The following IL1RL1 variants were observed in gnomAD, a reference collection of about 807,000 sequenced individuals.
IL1RL1 encodes interleukin-1 receptor-like 1.
IL1RL1 carries 32 observed loss-of-function variants against 50.9 expected under a neutral mutation model. The observed-to-expected ratio is 0.63, with a 90% CI of 0.47 to 0.84. The LOEUF (loss-of-function observed/expected upper bound fraction) is 0.84, where lower values mean the gene tolerates loss of function less well. Ranked by LOEUF, IL1RL1 falls within the 40% of genes least tolerant of loss-of-function variation. The pLI is 0.00. For synonymous variants in IL1RL1, 275 were observed against 236.0 expected, an observed-to-expected ratio of 1.17 and a Z score of -1.51; for missense variants, 773 against 662.9, an observed-to-expected ratio of 1.17 and a Z score of -1.82.
intron 1 of IL1RL1, among the ~76,000 whole-genome samples, chr2:102,336,095 G>C (rs772108318): frequency 2.6e-5 from 4 of 152,322 alleles, no homozygotes; most frequent in African/African-American, 9.6e-5. Context: ...CCCATGGGGA[G>C]CAAAGACGCT....
intron 1 of IL1RL1, among the ~76,000 whole-genome samples, chr2:102,315,807 T>C (rs1676658057): frequency 6.6e-6 from 1 of 152,158 alleles, no homozygotes; most frequent in Admixed American, 6.5e-5. Flanking sequence ...GTGAATAACC[T>C]TTTCAAAATA....
chr2:102,337,736 C>T (rs989510709), intron 1 of IL1RL1, among the ~76,000 whole-genome samples: 38 of 151,994 alleles, frequency 2.5e-4, no homozygotes, highest in African/African-American at 8.5e-4. Context: ...CTGCTACCAG[C>T]CTGTGTGGAT....
At chr2:102,348,983 C>A in intron 9 of IL1RL1, 96 bp from the exon 10 acceptor site, 1 of 897,508 alleles carries the variant, frequency 1.1e-6, no homozygotes, top group Non-Finnish European at 1.8e-6. Flanking sequence ...ATACATTCAC[C>A]AACAGCCATA....
intron 10 of IL1RL1, among the ~76,000 whole-genome samples, chr2:102,350,779 T>C (rs1006872196): frequency 2.8e-5 from 3 of 107,774 alleles, no homozygotes. Context: ...CTTCTCCTTC[T>C]GGGAGCACCT....
chr2:102,313,370 T>C (rs1676577684), intron 1 of IL1RL1: 1 of 152,164 alleles, frequency 6.6e-6, no homozygotes, highest in Non-Finnish European at 1.5e-5. Context: ...CTGTGACTGC[T>C]GACTTGAATG....
intron 8 of IL1RL1, chr2:102,343,748 C>T (rs1395053037): frequency 1.7e-5 from 21 of 1,219,012 alleles, no homozygotes; most frequent in East Asian, 1.2e-4. Context: ...CACCAACAAC[C>T]GTAAACTGAA....
chr2:102,335,188 TG>T (rs1677282110), intron 1 of IL1RL1, among the ~76,000 whole-genome samples: 1 of 152,252 alleles, frequency 6.6e-6, no homozygotes. Context: ...TTTTGCAGTT[TG>T]TCTTAAGTTG....
chr2:102,341,255 T>C (rs1677551219), intron 5 of IL1RL1: 1 of 1,248,576 alleles, frequency 8.0e-7, no homozygotes, highest in Non-Finnish European at 1.0e-6. Context: ...GGATTCAAAG[T>C]CTAATGAGAG....
At chr2:102,332,024 C>T (rs1031297559) in intron 1 of IL1RL1, among the ~76,000 whole-genome samples, 3 of 152,270 alleles carry the variant, frequency 2.0e-5, no homozygotes, top group Non-Finnish European at 4.4e-5. Context: ...GCCATGATCA[C>T]ACCACTGCAC....
At chr2:102,342,174 A>G (rs368960040) in intron 5 of IL1RL1, 49 bp from the exon 6 acceptor site, 2 of 1,259,852 alleles carry the variant, frequency 1.6e-6, no homozygotes, top group African/African-American at 3.0e-5. Flanking sequence ...CTTTATATTG[A>G]CTAGCATTCA....
intron 6 of IL1RL1, 100 bp downstream of exon 6, chr2:102,342,394 A>G: frequency 2.5e-6 from 2 of 806,156 alleles, no homozygotes; most frequent in Non-Finnish European, 4.2e-6. Flanking sequence ...CAATTAGCAT[A>G]AGGAACCTTG....
Position 102,340,707 on chromosome 2 carries a change from G to T in IL1RL1, c.489G>T (p.Lys163Asn). Residue 163 changes from lysine (K) to asparagine (N), a missense_variant, in exon 5 of 11, where the codon AAG (lysine) becomes AAT (asparagine). By Grantham distance (94) the Lys-to-Asn change is moderately conservative (BLOSUM62 0). Transcript: ENST00000233954. ...ALQGSRYRAHKSFLVIDNVMT... is the reference protein window; with the variant it reads ...ALQGSRYRAHNSFLVIDNVMT... ...AAGGATCAAGGTACAGGGCGCACAA[G>T]TCATTTTTGGTCATTGATAATGTGA... The T allele has an allele frequency of 3.7e-6, 6 of 1,600,240 alleles. No individual in the cohort carries two copies. The highest frequency in any genetic ancestry group is 5.1e-6 in the Non-Finnish European group (6 of 1,176,274).
Position 102,340,185 on chromosome 2 carries a change from A to G in IL1RL1, c.360A>G (p.Ser120=). The change falls in exon 4 of 11, where the codon TCA becomes TCG. Residue 120 remains serine, a synonymous_variant. Transcript: ENST00000233954. ...DCNVPDYLMY[S]TVSGSEKNSK... is the part of the protein sequence containing the mutation. ...ATGTTCCAGATTATTTGATGTATTC[A>G]ACAGTATCTGGATCAGAAAAAAATT... 2 of 1,602,876 alleles carry G rather than the reference A, an allele frequency of 1.2e-6. No individual in the cohort carries two copies. The highest frequency in any genetic ancestry group is 1.7e-6 in the Non-Finnish European group (2 of 1,174,944).
rs1383037814 is a variant in IL1RL1 at position 102,340,803 on chromosome 2, G to C, written c.585G>C (p.Thr195=). Residue 195 remains threonine, a synonymous_variant, in exon 5 of 11, where the codon ACG becomes ACC. Transcript: ENST00000233954. ...HNENGANYSV[T]ATRSFTVKDE... is the part of the protein sequence containing the mutation. Reference sequence around the variant, plus strand: ...AAAATGGAGCCAATTATAGTGTGACGGCGACCAGGTCCTTCACGGTCAAGG... The same window carrying C: ...AAAATGGAGCCAATTATAGTGTGACCGCGACCAGGTCCTTCACGGTCAAGG... 3 of 1,576,820 alleles carry C rather than the reference G, an allele frequency of 1.9e-6. No homozygotes were observed. The highest frequency in any genetic ancestry group is 2.6e-6 in the Non-Finnish European group (3 of 1,168,754).
intron 3 of IL1RL1, 106 bp downstream of exon 3, chr2:102,339,153 A>G: frequency 2.7e-6 from 2 of 742,024 alleles, no homozygotes; most frequent in East Asian, 5.0e-5. Context: ...CCTTTCTGGA[A>G]CAGTTAAATT....
At chr2:102,312,264 TATAA>T (rs1676540118) in intron 1 of IL1RL1, among the ~76,000 whole-genome samples, 1 of 147,450 alleles carries the variant, frequency 6.8e-6, no homozygotes, top group Non-Finnish European at 1.5e-5. Flanking sequence ...ATGAAGGGCC[TATAA>T]TATAATATAT....
intron 1 of IL1RL1, among the ~76,000 whole-genome samples, chr2:102,328,580 A>T (rs1287685340): frequency 6.6e-6 from 1 of 152,218 alleles, no homozygotes; most frequent in East Asian, 1.9e-4. Context: ...CTGTTTGCAG[A>T]TGACATGATT....
At chr2:102,350,566 T>C (rs1430016393) in intron 10 of IL1RL1, among the ~76,000 whole-genome samples, 5 of 152,284 alleles carry the variant, frequency 3.3e-5, no homozygotes, top group Admixed American at 1.3e-4. Context: ...TATAGTCTCA[T>C]GCAACTTACC....
In IL1RL1 at chr2:102,340,237, C is replaced by A. The variant is rs781153164; in HGVS notation, c.412C>A (p.Leu138Ile). Residue 138 changes from leucine to isoleucine, a missense_variant, in exon 4 of 11, where the codon CTC becomes ATC. Leu to Ile is a conservative substitution (Grantham distance 5). Transcript: ENST00000233954. ...CAAAATTTATTGTCCTACCATTGAC[C>A]TCTACAACTGGACAGCACCTCTTGA... is the stretch of plus-strand genomic sequence containing the variant. ...NSKIYCPTID[L>I]YNWTAPLEWF... 6.2e-7 allele frequency: 1 copy of A among 1,603,696 alleles called. No individual in the cohort carries two copies. The highest frequency in any genetic ancestry group is 8.5e-7 in the Non-Finnish European group (1 of 1,177,542).
Sources: allele counts gnomAD v4.1 joint callset (sites outside exome capture counted in the v4.1 genomes callset), GRCh38; gene constraint gnomAD v4.1.1; transcripts MANE v1.5; gene names NCBI Gene and HGNC (gene_info 2026-07-23, HGNC 2026-07-21).